The following PRSS2 variants were observed in gnomAD, a reference collection of about 807,000 sequenced individuals.
PRSS2 encodes the protein serine protease 2.
In PRSS2, 19 loss-of-function variants were observed where a neutral mutation model predicts 19.2. That is an observed-to-expected ratio of 0.99 (90% CI 0.69 to 1.45). The LOEUF (loss-of-function observed/expected upper bound fraction) is 1.45, where lower values mean the gene tolerates loss of function less well. Ranked by LOEUF, PRSS2 falls within the 40% of genes most tolerant of loss-of-function variation. The pLI is 0.00. For missense variants in PRSS2, 288 were observed against 294.4 expected, an observed-to-expected ratio of 0.98 and a Z score of 0.16; for synonymous variants, 107 against 117.5, an observed-to-expected ratio of 0.91 and a Z score of 0.58.
intron 2 of PRSS2, chr7:142,772,524 G>T (rs527791620): frequency 1.5e-6 from 1 of 688,840 alleles, no homozygotes; most frequent in South Asian, 1.6e-5. Flanking sequence ...ACCTAAGAAT[G>T]AGTACTTAAA....
At chr7:142,774,196 T>C in intron 4 of PRSS2, 141 bp downstream of exon 4, 1 of 1,195,384 alleles carries the variant, frequency 8.4e-7, no homozygotes, top group Non-Finnish European at 1.2e-6. Flanking sequence ...TCCTTTGGGC[T>C]GCATCCTGTC....
At chr7:142,773,574 A>T in intron 3 of PRSS2, 55 bp downstream of exon 3, 3 of 1,489,470 alleles carry the variant, frequency 2.0e-6, no homozygotes, top group Non-Finnish European at 2.8e-6. Context: ...TTCCAGAACA[A>T]ACCATGCCCC....
intron 2 of PRSS2, 150 bp from the exon 3 acceptor site, chr7:142,773,116 A>G: frequency 5.7e-6 from 8 of 1,414,478 alleles, no homozygotes; most frequent in South Asian, 1.3e-5. Flanking sequence ...ACTGACCCAC[A>G]TTGCTCTCCT....
intron 2 of PRSS2, among the ~76,000 whole-genome samples, chr7:142,773,039 C>A (rs1291241341): frequency 1.3e-5 from 2 of 152,066 alleles, no homozygotes; most frequent in East Asian, 3.9e-4. Flanking sequence ...GGTGGGATCC[C>A]TTTGACTCTT....
At chr7:142,771,996 G>C in intron 1 of PRSS2, 53 bp from the exon 2 acceptor site, 1 of 1,612,890 alleles carries the variant, frequency 6.2e-7, no homozygotes, top group Admixed American at 1.7e-5. Context: ...GGCTGGGAGC[G>C]CCACCCCTAA....
chr7:142,773,573 AAACC>A, intron 3 of PRSS2, 54 bp downstream of exon 3: 9 of 1,368,790 alleles, frequency 6.6e-6, no homozygotes, highest in South Asian at 1.2e-5. Context: ...TTTCCAGAAC[AAACC>A]ATGCCCCTTA....
At chr7:142,773,706 A>T (rs1563288521) in intron 3 of PRSS2, among the ~76,000 whole-genome samples, 187 bp downstream of exon 3, 2 of 152,250 alleles carry the variant, frequency 1.3e-5, no homozygotes, top group African/African-American at 2.4e-5. Context: ...AAATCAAAAG[A>T]CAGGACAAAT....
rs747654109 is a variant in PRSS2 at position 142,773,404 on chromosome 7, C to T, written c.339C>T (p.Leu113=). The part of the protein sequence containing the change: ...TLDNDILLIK[L]SSPAVINSRV... ...ACAATGACATCCTGCTGATCAAGCT[C>T]TCCTCACCTGCCGTCATCAATTCCC... The change falls in exon 3 of 5, where the codon CTC becomes CTT. Residue 113 remains leucine, a synonymous_variant. Coordinates refer to ENST00000539842, the MANE Select transcript of PRSS2 (RefSeq NM_002770.4). 9 of 1,609,924 alleles carry T rather than the reference C, an allele frequency of 5.6e-6. No individual in the cohort carries two copies. Among genetic ancestry groups the T allele is most frequent in the African/African-American group, 2.7e-5 (2 of 75,010 alleles).
At chr7:142,771,909 A>C (rs1411307670) in intron 1 of PRSS2, 140 bp from the exon 2 acceptor site, 16 of 1,259,452 alleles carry the variant, frequency 1.3e-5, no homozygotes, top group Non-Finnish European at 1.7e-5. Context: ...GATGATCACC[A>C]GGGCTGGCAG....
At chr7:142,772,748 C>T (rs1554506319) in intron 2 of PRSS2, 2 of 570,812 alleles carry the variant, frequency 3.5e-6, no homozygotes, top group South Asian at 4.9e-5. Context: ...GGGACCCATC[C>T]CCAAGGTTCT....
rs1554507384 is a variant in PRSS2 at position 142,774,474 on chromosome 7, A to C, written c.710A>C (p.Asp237Ala). ...TACACCAAGGTCTACAACTATGTGGACTGGATTAAGGACACCATAGCTGCC... is the reference window on the plus strand; with the variant it reads ...TACACCAAGGTCTACAACTATGTGGCCTGGATTAAGGACACCATAGCTGCC... Reference protein sequence around the residue: ...GVYTKVYNYVDWIKDTIAANS With the variant: ...GVYTKVYNYVAWIKDTIAANS The change falls in exon 5 of 5, where the codon GAC becomes GCC. Residue 237 changes from aspartate (D) to alanine (A), a missense_variant. Coordinates refer to ENST00000539842, the MANE Select transcript of PRSS2 (RefSeq NM_002770.4). 21 of 1,610,772 alleles carry C rather than the reference A, an allele frequency of 1.3e-5. No homozygotes were observed. In the South Asian group the frequency reaches 2.2e-4, roughly 17 times the overall value.
chr7:142,772,880 T>A (rs2075543), intron 2 of PRSS2, among the ~76,000 whole-genome samples: 1 of 150,580 alleles, frequency 6.6e-6, no homozygotes, highest in African/African-American at 2.5e-5. Flanking sequence ...AGGCCAAGAA[T>A]GGAGGGAGGA....
intron 4 of PRSS2, 65 bp downstream of exon 4, chr7:142,774,120 T>G: frequency 1.3e-6 from 2 of 1,521,944 alleles, no homozygotes; most frequent in Non-Finnish European, 1.8e-6. Flanking sequence ...GGAAAATGAT[T>G]TGAACTCCCA....
chr7:142,772,943 C>G (rs1007657317), intron 2 of PRSS2, among the ~76,000 whole-genome samples: 33 of 152,122 alleles, frequency 2.2e-4, no homozygotes, highest in Admixed American at 2.6e-4. Context: ...GTTGGGAAAA[C>G]TTCAAGGAGC....
Position 142,773,369 on chromosome 7 carries a change from C to G in PRSS2, c.304C>G (p.Arg102Gly). 1.4e-6 allele frequency: 2 copies of G among 1,460,110 alleles called. No homozygotes were observed. Among genetic ancestry groups the G allele is most frequent in the Non-Finnish European group, 1.8e-6 (2 of 1,091,336 alleles). The allele number at this position is 1,460,110 out of a possible 1,614,324, so 90.4% of individuals were successfully genotyped here. A position where few individuals can be genotyped will look rare whatever the true frequency, so the allele number is the denominator to read the frequency against. Reference protein sequence around the residue: ...KIIRHPKYNSRTLDNDILLIK... With the variant: ...KIIRHPKYNSGTLDNDILLIK... ...CATCCGCCACCCCAAATACAACAGC[C>G]GGACTCTGGACAATGACATCCTGCT... Residue 102 changes from arginine to glycine, a missense_variant, in exon 3 of 5, where the codon CGG becomes GGG. Coordinates refer to ENST00000539842, the MANE Select transcript of PRSS2 (RefSeq NM_002770.4).
Position 142,773,392 on chromosome 7 carries a change from G to A in PRSS2, c.327G>A (p.Leu109=). 4 of 1,611,734 alleles carry A rather than the reference G, an allele frequency of 2.5e-6. No homozygotes were observed. The highest frequency in any genetic ancestry group is 2.2e-5 in the East Asian group (1 of 44,850). Residue 109 remains leucine, a synonymous_variant, in exon 3 of 5, where the codon CTG becomes CTA. Transcript: ENST00000539842. ...GCCGGACTCTGGACAATGACATCCT[G>A]CTGATCAAGCTCTCCTCACCTGCCG... ...YNSRTLDNDI[L]LIKLSSPAVI... is the part of the protein sequence containing the mutation.
rs1554507323 is a variant in PRSS2 at position 142,774,418 on chromosome 7, T to G, written c.654T>G (p.Tyr218Ter). The part of the protein sequence containing the change: ...GELQGIVSWG[Y>*]GCAQKNRPGV... ...TCCAAGGAATTGTCTCCTGGGGCTA[T>G]GGCTGTGCCCAGAAGAACAGGCCTG... Residue 218 changes from tyrosine to a stop codon, truncating the protein, a stop_gained, in exon 5 of 5, where the codon TAT (tyrosine) becomes TAG (stop). Coordinates refer to ENST00000539842, the MANE Select transcript of PRSS2 (RefSeq NM_002770.4). LOFTEE classifies it high-confidence loss of function. The G allele has an allele frequency of 1.4e-5, 22 of 1,590,976 alleles. No homozygotes were observed. The highest frequency in any genetic ancestry group is 1.8e-5 in the Non-Finnish European group (21 of 1,159,370).
chr7:142,772,150 T>C lies in PRSS2; in HGVS notation c.142T>C (p.Cys48Arg), dbSNP rs1554505962. 6.2e-7 allele frequency: 1 copy of C among 1,613,768 alleles called. No individual in the cohort carries two copies. Among genetic ancestry groups the C allele is most frequent in the African/African-American group, 1.3e-5 (1 of 74,950 alleles). ...GTCCTTGAATTCTGGCTACCACTTC[T>C]GCGGTGGCTCCCTCATCAGCGAACA... The part of the protein sequence containing the change: ...QVSLNSGYHF[C>R]GGSLISEQWV... The change falls in exon 2 of 5, where the codon TGC becomes CGC. Residue 48 changes from cysteine (C) to arginine (R), a missense_variant. Cys to Arg is a radical substitution (Grantham distance 180). Transcript: ENST00000539842.
chr7:142,772,016 G>A (rs1430237042), intron 1 of PRSS2, 33 bp from the exon 2 acceptor site: 4 of 1,613,888 alleles, frequency 2.5e-6, no homozygotes, highest in Admixed American at 3.3e-5. Context: ...ACATGCTACT[G>A]ACTTGCCTTC....
Sources: allele counts gnomAD v4.1 joint callset (sites outside exome capture counted in the v4.1 genomes callset), GRCh38; gene constraint gnomAD v4.1.1; transcripts MANE v1.5; gene names NCBI Gene and HGNC (gene_info 2026-07-23, HGNC 2026-07-21).